Variants in FOCAD observed in about 807,000 individuals in gnomAD.
The protein encoded by FOCAD is focadhesin.
Under a neutral mutation model 225.6 loss-of-function variants are expected in FOCAD, and 198 were observed. That is an observed-to-expected ratio of 0.88 (90% confidence interval 0.78 to 0.99). The LOEUF (loss-of-function observed/expected upper bound fraction) is 0.99. Ranked by LOEUF, FOCAD falls within the 50% of genes least tolerant of loss-of-function variation. FOCAD has a pLI of 0.00. For missense variants in FOCAD, 2,713 were observed against 2,123.6 expected, an observed-to-expected ratio of 1.28 and a Z score of -5.46; for synonymous variants, 897 against 755.0, an observed-to-expected ratio of 1.19 and a Z score of -3.08.
At chr9:20,980,319 C>A (rs1840579221) in intron 37 of FOCAD, among the ~76,000 whole-genome samples, 1 of 152,146 alleles carries the variant, frequency 6.6e-6, no homozygotes, top group Non-Finnish European at 1.5e-5. Context: ...AGAGCTCTAT[C>A]TATCTGAGTT....
At chr9:20,957,392 C>T (rs939910067) in intron 35 of FOCAD, 4 of 151,056 alleles carry the variant, frequency 2.6e-5, no homozygotes, top group African/African-American at 9.7e-5. Context: ...TAGAATATTT[C>T]ATCAAATTCA....
intron 1 of FOCAD, among the ~76,000 whole-genome samples, chr9:20,688,614 A>T (rs567078975): frequency 6.6e-6 from 1 of 152,066 alleles, no homozygotes; most frequent in Non-Finnish European, 1.5e-5. Context: ...ATGATGCCTA[A>T]GAGAGTTTGT....
At chr9:20,953,735 C>G (rs1340322048) in intron 35 of FOCAD, among the ~76,000 whole-genome samples, 2 of 152,156 alleles carry the variant, frequency 1.3e-5, no homozygotes, top group Non-Finnish European at 2.9e-5. Flanking sequence ...CATGTCATGG[C>G]TCAGGAATCA....
intron 5 of FOCAD, among the ~76,000 whole-genome samples, chr9:20,755,597 T>A (rs536325339): frequency 6.6e-6 from 1 of 152,292 alleles, no homozygotes; most frequent in Non-Finnish European, 1.5e-5. Context: ...TGAAAAGCAC[T>A]TCGGTGCCTT....
At position 20,845,222 on chromosome 9, in the gene FOCAD, C is replaced by G. The variant is rs77618513; in HGVS notation, c.1921-17356C>G. 9.2e-4 allele frequency among the ~76,000 whole-genome samples: 140 copies of G among 151,906 alleles called. 1 individual carries two copies. In the East Asian group the frequency reaches 0.025, roughly 28 times the overall value. The stretch of plus-strand genomic sequence containing the variant: ...TAATGCATGAGACACATTTGATGCT[C>G]AAAAATCAGAAAATATGGATTAGCA... On this transcript the variant is annotated intron_variant, in intron 15 of 43. Transcript: ENST00000338382.
At chr9:20,823,423 G>C (rs925059894) in intron 15 of FOCAD, among the ~76,000 whole-genome samples, 3 of 152,110 alleles carry the variant, frequency 2.0e-5, no homozygotes, top group Non-Finnish European at 4.4e-5. Flanking sequence ...CTAGAATATA[G>C]TTGCTTCTTA....
At chr9:20,696,533 G>A (rs1438674462) in intron 1 of FOCAD, among the ~76,000 whole-genome samples, 2 of 152,220 alleles carry the variant, frequency 1.3e-5, no homozygotes, top group South Asian at 2.1e-4. Flanking sequence ...GCCAGGTGCT[G>A]TGGTTCATGC....
At chr9:20,869,498 A>T (rs1248970664) in intron 18 of FOCAD, among the ~76,000 whole-genome samples, 2 of 152,188 alleles carry the variant, frequency 1.3e-5, no homozygotes, top group East Asian at 3.8e-4. Context: ...GAAAGTTAAC[A>T]GACTGGTAGA....
intron 21 of FOCAD, among the ~76,000 whole-genome samples, chr9:20,905,261 A>T (rs1459157553): frequency 6.6e-6 from 1 of 152,010 alleles, no homozygotes; most frequent in African/African-American, 2.4e-5. Context: ...GATTAGCTTT[A>T]ACCTTGAGTT....
intron 35 of FOCAD, among the ~76,000 whole-genome samples, chr9:20,975,141 C>T (rs1211342445): frequency 6.6e-6 from 1 of 152,104 alleles, no homozygotes; most frequent in East Asian, 1.9e-4. Context: ...GTTGATCCTG[C>T]TCCTTTTGCT....
At chr9:20,911,498 G>T (rs1833435385) in intron 22 of FOCAD, among the ~76,000 whole-genome samples, 1 of 152,092 alleles carries the variant, frequency 6.6e-6, no homozygotes, top group Non-Finnish European at 1.5e-5. Context: ...ATAAAAATAT[G>T]AATTATTTCA....
At chr9:20,749,067 G>A (rs1828313856) in intron 5 of FOCAD, among the ~76,000 whole-genome samples, 2 of 151,988 alleles carry the variant, frequency 1.3e-5, no homozygotes, top group African/African-American at 2.4e-5. Context: ...ATGAAAGGAA[G>A]GTTGTGGATC....
At chr9:20,697,103 A>G (rs1228710665) in intron 1 of FOCAD, among the ~76,000 whole-genome samples, 1 of 152,176 alleles carries the variant, frequency 6.6e-6, no homozygotes, top group Non-Finnish European at 1.5e-5. Context: ...TTAGCAGCCA[A>G]AAACAGACTA....
chr9:20,772,550 TG>T (rs1032765206), intron 8 of FOCAD, among the ~76,000 whole-genome samples: 1 of 151,464 alleles, frequency 6.6e-6, no homozygotes, highest in African/African-American at 2.4e-5. Context: ...TAAGAGGGAG[TG>T]GTCAGCAGTG....
At chr9:20,939,859 C>T (rs190026628) in intron 28 of FOCAD, among the ~76,000 whole-genome samples, 6 of 150,860 alleles carry the variant, frequency 4.0e-5, no homozygotes, top group East Asian at 1.9e-4. Flanking sequence ...CCCATTAACT[C>T]GTCATTTACA....
chr9:20,861,934 A>C lies in FOCAD; in HGVS notation c.1921-644A>C, dbSNP rs190896537. Reference sequence around the variant, plus strand: ...ATATTGAATGAAGAACACTTGGTTTAAGAAAATTGGGTCAAGTTAGAAATG... The same window carrying C: ...ATATTGAATGAAGAACACTTGGTTTCAGAAAATTGGGTCAAGTTAGAAATG... On this transcript the variant is annotated intron_variant, in intron 15 of 43. Transcript: ENST00000338382. Among the ~76,000 whole-genome samples, 390 of 152,274 alleles carry C rather than the reference A, an allele frequency of 2.6e-3. 1 individual carries two copies. The highest frequency in any genetic ancestry group is 8.8e-3 in the African/African-American group (367 of 41,562).
intron 35 of FOCAD, among the ~76,000 whole-genome samples, chr9:20,961,534 A>C (rs1248552816): frequency 6.6e-6 from 1 of 152,140 alleles, no homozygotes; most frequent in Admixed American, 6.5e-5. Context: ...TGCTGGGGTA[A>C]TCTTTGTCTC....
chr9:20,791,025 C>T lies in FOCAD; in HGVS notation c.1455+1417C>T, dbSNP rs146986349. On this transcript the variant is annotated intron_variant, in intron 11 of 43. Coordinates refer to ENST00000338382, the MANE Select transcript of FOCAD (RefSeq NM_001375567.1). ...TTCTGCTTTATCTCTCCTTTTATTT[C>T]CTGTAGTGATCCTGCTTCTAACCAA... Among the ~76,000 whole-genome samples the T allele has an allele frequency of 1.7e-3, 264 of 152,170 alleles. 2 individuals carry two copies. The East Asian group carries it at 0.043, about 25-fold the overall frequency.
chr9:20,679,928 C>T (rs149304970), upstream of FOCAD, among the ~76,000 whole-genome samples: 278 of 152,308 alleles, frequency 1.8e-3, 1 homozygote, highest in African/African-American at 6.3e-3. Context: ...CTATGAAGGA[C>T]CACCCTCTCT....
Sources: allele counts gnomAD v4.1 joint callset (sites outside exome capture counted in the v4.1 genomes callset), GRCh38; gene constraint gnomAD v4.1.1; transcripts MANE v1.5; gene names NCBI Gene and HGNC (gene_info 2026-07-23, HGNC 2026-07-21).